Variants in JAK1 observed in about 807,000 individuals in gnomAD.
JAK1 encodes tyrosine-protein kinase JAK1.
JAK1 carries 16 observed loss-of-function variants against 136.6 expected under a neutral mutation model. That is an observed-to-expected ratio of 0.12 (90% CI 0.08 to 0.18). JAK1 has a LOEUF of 0.18. Ranked by LOEUF, JAK1 falls within the 10% of genes least tolerant of loss-of-function variation. JAK1 has a pLI of 1.00. For synonymous variants in JAK1, 492 were observed against 519.5 expected (o/e 0.95, Z 0.72); for missense variants, 859 against 1,450.1 (o/e 0.59, Z 6.62).
intron 1 of JAK1, among the ~76,000 whole-genome samples, chr1:65,065,797 G>A (rs910677857): frequency 6.6e-6 from 1 of 151,256 alleles, no homozygotes; most frequent in Non-Finnish European, 1.5e-5. Context: ...GGAAAATAAA[G>A]GGGGCTACGG....
At chr1:65,010,869 G>A (rs1646843164) in intron 2 of JAK1, among the ~76,000 whole-genome samples, 1 of 152,120 alleles carries the variant, frequency 6.6e-6, no homozygotes, top group South Asian at 2.1e-4. Context: ...CTACTTGGGA[G>A]GCTGAGGTGG....
rs746452560 is a variant in JAK1, at chr1:64,867,157, G to T, written c.699C>A (p.Asn233Lys). 2 of 1,610,962 alleles carry T rather than the reference G, an allele frequency of 1.2e-6. No individual in the cohort carries two copies. Among genetic ancestry groups the T allele is most frequent in the East Asian group, 2.2e-5 (1 of 44,794 alleles). The change falls in exon 7 of 25, where the codon AAC (asparagine) becomes AAA (lysine). Residue 233 changes from asparagine (N) to lysine (K), a missense_variant. Asn to Lys is a moderately conservative substitution (Grantham distance 94). Transcript: ENST00000342505. ...TATTTATCCGCATCCTGGTGAGAAG[G>T]TTCCTCTGTCTGATGGACTTATTCA... is the stretch of plus-strand genomic sequence containing the variant. ...ETLNKSIRQRNLLTRMRINNV... is the reference protein window; with the variant it reads ...ETLNKSIRQRKLLTRMRINNV...
intron 2 of JAK1, among the ~76,000 whole-genome samples, chr1:65,000,368 T>C (rs1646744040): frequency 6.6e-6 from 1 of 152,068 alleles, no homozygotes; most frequent in Non-Finnish European, 1.5e-5. Flanking sequence ...CCTGGCAAGA[T>C]GAGTCCTGCC....
At chr1:65,043,893 T>C (rs1647159615) in intron 2 of JAK1, among the ~76,000 whole-genome samples, 1 of 151,986 alleles carries the variant, frequency 6.6e-6, no homozygotes. Flanking sequence ...GGCTAATTTT[T>C]GTATTTTTAA....
At chr1:64,967,416 C>G (rs1646404553), upstream of JAK1, among the ~76,000 whole-genome samples, 1 of 152,202 alleles carries the variant, frequency 6.6e-6, no homozygotes, top group African/African-American at 2.4e-5. Context: ...CCAATTAATT[C>G]TCTACAATGA....
At position 64,957,446 on chromosome 1, in the gene JAK1, C is replaced by T. The variant is rs926723796; in HGVS notation, c.-78+8887G>A. Among the ~76,000 whole-genome samples the T allele has an allele frequency of 1.2e-4, 18 of 152,320 alleles. No homozygotes were observed. The East Asian group carries it at 3.3e-3, about 28-fold the overall frequency. ...CCACCATAGGTCTTTGGCACATATTCGTGCCTCTCACTGGAAATCCTCCTC... is the reference window on the plus strand; with the variant it reads ...CCACCATAGGTCTTTGGCACATATTTGTGCCTCTCACTGGAAATCCTCCTC... On this transcript the variant is annotated intron_variant, in intron 1 of 24. Coordinates refer to ENST00000342505, the MANE Select transcript of JAK1 (RefSeq NM_002227.4).
At chr1:64,966,091 C>T (rs1646371007) in intron 1 of JAK1, among the ~76,000 whole-genome samples, 1 of 151,906 alleles carries the variant, frequency 6.6e-6, no homozygotes, top group Non-Finnish European at 1.5e-5. Context: ...AACCGCTCTT[C>T]TCCCGGCCGG....
chr1:64,953,012 C>T (rs1646119005), intron 1 of JAK1, among the ~76,000 whole-genome samples: 1 of 152,154 alleles, frequency 6.6e-6, no homozygotes, highest in African/African-American at 2.4e-5. Flanking sequence ...ACAGACTGGT[C>T]GCAGATTTGG....
At chr1:64,902,122 T>C (rs1315234372) in intron 1 of JAK1, among the ~76,000 whole-genome samples, 1 of 152,226 alleles carries the variant, frequency 6.6e-6, no homozygotes, top group Non-Finnish European at 1.5e-5. Flanking sequence ...AATTTAATCA[T>C]TGTGAGGTCA....
upstream of JAK1, among the ~76,000 whole-genome samples, chr1:64,970,134 C>CAAAAAAAAAA (rs1232133832): frequency 7.9e-3 from 389 of 49,494 alleles, 110 homozygotes; most frequent in African/African-American, 0.03. Context: ...GACCCTGTCT[C>CAAAAAAAAAA]AAAAAAAAAA....
intron 2 of JAK1, among the ~76,000 whole-genome samples, chr1:64,980,571 T>C (rs1646535289): frequency 6.6e-6 from 1 of 151,684 alleles, no homozygotes; most frequent in South Asian, 2.1e-4. Flanking sequence ...TTTTTTAAAC[T>C]CTTTTTTTAT....
At chr1:64,938,325 G>C (rs532480109) in intron 1 of JAK1, among the ~76,000 whole-genome samples, 2 of 152,204 alleles carry the variant, frequency 1.3e-5, no homozygotes, top group East Asian at 3.9e-4. Flanking sequence ...CACTATAATA[G>C]AAAGGCTCTT....
chr1:65,060,452 C>G (rs370810762), intron 1 of JAK1, among the ~76,000 whole-genome samples: 3 of 152,110 alleles, frequency 2.0e-5, no homozygotes, highest in African/African-American at 7.2e-5. Flanking sequence ...GATTCAATGT[C>G]TAAATATGAA....
chr1:64,887,965 C>T (rs965172669), intron 1 of JAK1, among the ~76,000 whole-genome samples: 4 of 152,154 alleles, frequency 2.6e-5, no homozygotes, highest in African/African-American at 4.8e-5. Context: ...AGCCTGTCTA[C>T]CCCAGGTTTC....
chr1:65,053,789 CTA>C (rs1354693283), intron 1 of JAK1, among the ~76,000 whole-genome samples: 5 of 152,200 alleles, frequency 3.3e-5, no homozygotes, highest in Non-Finnish European at 7.3e-5. Context: ...CCACTGCACT[CTA>C]AGCCTGAGCT....
At chr1:64,978,674 C>G (rs10465848) in intron 2 of JAK1, among the ~76,000 whole-genome samples, 1 of 152,050 alleles carries the variant, frequency 6.6e-6, no homozygotes, top group Admixed American at 6.5e-5. Context: ...TCAGATTGCT[C>G]TGGGCTGACT....
At chr1:64,962,249 A>C (rs552002676) in intron 1 of JAK1, among the ~76,000 whole-genome samples, 1 of 152,370 alleles carries the variant, frequency 6.6e-6, no homozygotes, top group Admixed American at 6.5e-5. Context: ...TAAATGAATA[A>C]AAGAATGTAT....
At chr1:65,053,486 C>A (rs1647385834) in intron 1 of JAK1, among the ~76,000 whole-genome samples, 1 of 152,168 alleles carries the variant, frequency 6.6e-6, no homozygotes, top group African/African-American at 2.4e-5. Flanking sequence ...GGAAAAAAAT[C>A]TCTGAAGTGT....
At chr1:65,058,639 G>A (rs1448756333) in intron 1 of JAK1, 1 of 421,572 alleles carries the variant, frequency 2.4e-6, no homozygotes, top group Non-Finnish European at 4.7e-6. Flanking sequence ...AGAAGAAAAA[G>A]AAGGATCAGA....
Sources: allele counts gnomAD v4.1 joint callset (sites outside exome capture counted in the v4.1 genomes callset), GRCh38; gene constraint gnomAD v4.1.1; transcripts MANE v1.5; gene names NCBI Gene and HGNC (gene_info 2026-07-23, HGNC 2026-07-21).